Variants in PIP5K1A observed in about 807,000 individuals in gnomAD.
The protein encoded by PIP5K1A is phosphatidylinositol 4-phosphate 5-kinase type-1 alpha.
PIP5K1A carries 46 observed loss-of-function variants against 72.9 expected under a neutral mutation model. The observed-to-expected ratio is 0.63, with a 90% CI of 0.50 to 0.81. PIP5K1A has a LOEUF of 0.81. Ranked by LOEUF, PIP5K1A falls within the 30% of genes least tolerant of loss-of-function variation. The pLI is 0.00. For synonymous variants in PIP5K1A, 228 were observed against 255.1 expected (o/e 0.89, Z 1.01); for missense variants, 458 against 706.1 (o/e 0.65, Z 3.98).
chr1:151,238,273 G>C lies in PIP5K1A; in HGVS notation c.1229+8G>C. On this transcript the variant is annotated splice_region_variant and intron_variant, in intron 10 of 15. Coordinates refer to ENST00000368888, the MANE Select transcript of PIP5K1A (RefSeq NM_001135638.2). ...CATTCTACAGTCTTACAGGTGAGGA[G>C]CATATGGATCCCAAATTAAGAGAGG... is the stretch of plus-strand genomic sequence containing the variant. 1 of 1,559,904 alleles carries C rather than the reference G, an allele frequency of 6.4e-7. No individual in the cohort carries two copies. The highest frequency in any genetic ancestry group is 8.8e-7 in the Non-Finnish European group (1 of 1,130,630).
At position 151,223,679 on chromosome 1, in the gene PIP5K1A, T is replaced by C. The variant is rs1688716217; in HGVS notation, c.86-566T>C. On this transcript the variant is annotated intron_variant, in intron 1 of 15. Coordinates refer to ENST00000368888, the MANE Select transcript of PIP5K1A (RefSeq NM_001135638.2). Reference sequence around the variant, plus strand: ...AAAAAAGCGACAGAGCGAGACTCCATCTAAAAAATAAAAATTAAAAAAAAA... The same window carrying C: ...AAAAAAGCGACAGAGCGAGACTCCACCTAAAAAATAAAAATTAAAAAAAAA... Among the ~76,000 whole-genome samples the C allele has an allele frequency of 2.1e-5, 3 of 140,570 alleles. No individual in the cohort carries two copies. The South Asian group carries it at 6.9e-4, about 32-fold the overall frequency. 92.2% of individuals were successfully genotyped at this position (140,570 alleles called of 152,430 possible).
At chr1:151,228,467 G>A (rs1321060711) in intron 4 of PIP5K1A, among the ~76,000 whole-genome samples, 1 of 152,106 alleles carries the variant, frequency 6.6e-6, no homozygotes, top group Non-Finnish European at 1.5e-5. Context: ...CCTCCACAAA[G>A]ACAGTCATTT....
At chr1:151,232,006 A>G (rs915711854) in intron 5 of PIP5K1A, among the ~76,000 whole-genome samples, 9 of 152,086 alleles carry the variant, frequency 5.9e-5, no homozygotes, top group Admixed American at 5.9e-4. Flanking sequence ...CTATGGATTG[A>G]CCCGTAAAAA....
intron 1 of PIP5K1A, among the ~76,000 whole-genome samples, chr1:151,216,217 C>T (rs977730033): frequency 6.6e-5 from 10 of 151,910 alleles, no homozygotes; most frequent in Non-Finnish European, 1.5e-5. Context: ...GGCATGGTGG[C>T]GGGTGCCTGT....
chr1:151,211,917 CGTG>C (rs1487030295), intron 1 of PIP5K1A, among the ~76,000 whole-genome samples: 1 of 151,672 alleles, frequency 6.6e-6, no homozygotes, highest in Admixed American at 6.6e-5. Flanking sequence ...TCCTGGCTAA[CGTG>C]GTGAAACCCC....
intron 1 of PIP5K1A, among the ~76,000 whole-genome samples, chr1:151,221,347 C>T (rs1013419567): frequency 6.6e-6 from 1 of 152,134 alleles, no homozygotes; most frequent in African/African-American, 2.4e-5. Context: ...TAAACTAAGG[C>T]TGAGATGTAT....
chr1:151,208,636 A>C (rs1004735889), intron 1 of PIP5K1A, among the ~76,000 whole-genome samples: 2 of 145,164 alleles, frequency 1.4e-5, no homozygotes, highest in Non-Finnish European at 3.0e-5. Flanking sequence ...TGGGATTACA[A>C]GTGTGAGCCA....
At chr1:151,242,902 T>C (rs903921677) in intron 14 of PIP5K1A, among the ~76,000 whole-genome samples, 3 of 152,206 alleles carry the variant, frequency 2.0e-5, no homozygotes, top group Non-Finnish European at 4.4e-5. Context: ...CTTAGTTCCT[T>C]GCTGGCTGTT....
At chr1:151,203,734 G>A (rs1685534086) in intron 1 of PIP5K1A, among the ~76,000 whole-genome samples, 2 of 151,370 alleles carry the variant, frequency 1.3e-5, no homozygotes, top group South Asian at 4.2e-4. Context: ...TGAGGCAGGA[G>A]AATTGCTGGA....
chr1:151,236,821 CTTTTTT>C (rs369523470), intron 9 of PIP5K1A, 58 bp downstream of exon 9: 53 of 498,876 alleles, frequency 1.1e-4, no homozygotes, highest in South Asian at 4.6e-4. Flanking sequence ...CTTTTCTTTT[CTTTTTT>C]TTTTTTTTTT....
At chr1:151,219,619 G>C (rs1357881612) in intron 1 of PIP5K1A, among the ~76,000 whole-genome samples, 1 of 151,914 alleles carries the variant, frequency 6.6e-6, no homozygotes, top group Non-Finnish European at 1.5e-5. Flanking sequence ...TCTTGAACCC[G>C]GGAGGTGGAG....
intron 4 of PIP5K1A, among the ~76,000 whole-genome samples, chr1:151,227,885 T>A (rs1689387085): frequency 6.6e-6 from 1 of 152,084 alleles, no homozygotes; most frequent in African/African-American, 2.4e-5. Context: ...CAAGACTCCA[T>A]CTCAAAAGAA....
intron 8 of PIP5K1A, among the ~76,000 whole-genome samples, chr1:151,235,964 T>C (rs1383824777): frequency 6.0e-5 from 9 of 150,480 alleles, no homozygotes; most frequent in African/African-American, 2.2e-4. Flanking sequence ...CTACTAAAAA[T>C]ACAAAAATTA....
intron 1 of PIP5K1A, among the ~76,000 whole-genome samples, chr1:151,223,715 C>T (rs1037447883): frequency 1.3e-5 from 2 of 148,656 alleles, no homozygotes; most frequent in African/African-American, 2.5e-5. Context: ...GGGACAGGTG[C>T]GGTGGCTCTT....
intron 4 of PIP5K1A, among the ~76,000 whole-genome samples, chr1:151,227,787 G>A (rs1474645116): frequency 6.6e-6 from 1 of 152,178 alleles, no homozygotes; most frequent in African/African-American, 2.4e-5. Flanking sequence ...TCGGGATGTT[G>A]AGGCACGAGA....
At chr1:151,200,316 G>A (rs960826941) in intron 1 of PIP5K1A, among the ~76,000 whole-genome samples, 12 of 149,560 alleles carry the variant, frequency 8.0e-5, no homozygotes, top group South Asian at 4.2e-4. Flanking sequence ...AGAGCTCAGC[G>A]TATTAATAGT....
At chr1:151,244,391 G>A (rs929596320) in intron 14 of PIP5K1A, among the ~76,000 whole-genome samples, 3 of 152,244 alleles carry the variant, frequency 2.0e-5, no homozygotes, top group East Asian at 3.9e-4. Context: ...GATGGCTCAC[G>A]CCTGTAATCC....
intron 1 of PIP5K1A, among the ~76,000 whole-genome samples, chr1:151,208,720 T>TTTTTTTTTTTTTTTTTTTTTTTTACGC: frequency 3.5e-5 from 1 of 28,976 alleles, no homozygotes; most frequent in Non-Finnish European, 7.3e-5. Context: ...AATGGTACGC[T>TTTTTTTTTTTTTTTTTTTTTTTTACGC]TTTTTTTTTT....
intron 15 of PIP5K1A, among the ~76,000 whole-genome samples, chr1:151,247,615 A>G (rs587713945): frequency 6.6e-6 from 1 of 152,240 alleles, no homozygotes; most frequent in East Asian, 1.9e-4. Context: ...TTAGTAGAGC[A>G]GGGTTTCACC....
Sources: allele counts gnomAD v4.1 joint callset (sites outside exome capture counted in the v4.1 genomes callset), GRCh38; gene constraint gnomAD v4.1.1; transcripts MANE v1.5; gene names NCBI Gene and HGNC (gene_info 2026-07-23, HGNC 2026-07-21).